The following DACH2 variants were observed in gnomAD, a reference collection of about 807,000 sequenced individuals.
DACH2 encodes dachshund homolog 2.
In DACH2, 17 loss-of-function variants were observed where a neutral mutation model predicts 35.8. The ratio of observed to expected loss-of-function variants is 0.48; its 90% confidence interval spans 0.33 to 0.71. DACH2 has a LOEUF of 0.71. Among genes scored for constraint, DACH2 ranks in the 30% least tolerant of loss-of-function variants. The pLI is 0.02. For missense variants in DACH2, 469 were observed against 472.7 expected, an observed-to-expected ratio of 0.99 and a Z score of 0.07; for synonymous variants, 195 against 177.3, an observed-to-expected ratio of 1.10 and a Z score of -0.79.
intron 4 of DACH2, among the ~76,000 whole-genome samples, chrX:86,667,525 GAAAGAAAGAAAGAAAGAAAGAAGAAAGA>G (rs1237091648): frequency 0.012 from 703 of 60,511 alleles, 9 homozygotes; most frequent in African/African-American, 0.052. Context: ...AAGAAAGAAA[GAAAGAAAGAAAGAAAGAAAGAAGAAAGA>G]AAGAAAGAAA....
At chrX:86,667,545 G>GAAAGAAAGAAGGAAGA in intron 4 of DACH2, among the ~76,000 whole-genome samples, 1 of 31,364 alleles carries the variant, frequency 3.2e-5, no homozygotes, top group East Asian at 1.1e-3. Context: ...AAGAAAGAAA[G>GAAAGAAAGAAGGAAGA]AAGAAAGAAA....
At position 86,832,143 on chromosome X, in the gene DACH2, G is replaced by T; in HGVS notation, c.1788G>T (p.Leu596Phe). 8.4e-7 allele frequency: 1 copy of T among 1,196,176 alleles called. No homozygotes were observed. The highest frequency in any genetic ancestry group is 1.7e-5 in the African/African-American group (1 of 57,216). ...NYYCLEMAQQ[L>F]YSA is the part of the protein sequence containing the mutation. ...ACTGTTTAGAAATGGCACAACAGTT[G>T]TATTCAGCCTGAAAGGTCCTCGCTG... The change falls in exon 12 of 12, where the codon TTG becomes TTT. Residue 596 changes from leucine (L) to phenylalanine (F), a missense_variant. Physicochemically the swap from Leu to Phe is conservative, Grantham distance 22. This residue lies in a region of DACH2 where 363 missense variants were observed against 334.4 expected (regional missense o/e 1.09). Transcript: ENST00000373125.
At chrX:86,788,154 T>TATC (rs1205591551) in intron 7 of DACH2, among the ~76,000 whole-genome samples, 1 of 111,089 alleles carries the variant, frequency 9.0e-6, no homozygotes, top group African/African-American at 3.3e-5. Context: ...GTTTTTTCCT[T>TATC]ATCAGTCGAG....
At chrX:86,776,042 T>C (rs1335568791) in intron 7 of DACH2, among the ~76,000 whole-genome samples, 1 of 111,594 alleles carries the variant, frequency 9.0e-6, no homozygotes, top group Non-Finnish European at 1.9e-5. Context: ...GCCTGCTTAA[T>C]AACTATAACA....
At chrX:86,458,563 T>A (rs1284538087) in intron 2 of DACH2, among the ~76,000 whole-genome samples, 2 of 111,768 alleles carry the variant, frequency 1.8e-5, no homozygotes, top group African/African-American at 6.5e-5. Flanking sequence ...CAAATAGTGA[T>A]GATGTGGTCA....
intron 5 of DACH2, among the ~76,000 whole-genome samples, chrX:86,706,727 G>C (rs771266463): frequency 8.1e-4 from 89 of 109,472 alleles, no homozygotes; most frequent in Non-Finnish European, 1.3e-3. Flanking sequence ...AGATTAAACA[G>C]TACACTTATA....
chrX:86,337,816 C>A (rs1002862913), intron 1 of DACH2, among the ~76,000 whole-genome samples: 1 of 111,100 alleles, frequency 9.0e-6, no homozygotes, highest in African/African-American at 3.3e-5. Flanking sequence ...TTCAGGAGAC[C>A]CATCTCATGT....
intron 1 of DACH2, among the ~76,000 whole-genome samples, chrX:86,340,619 G>A (rs2035396776): frequency 9.0e-6 from 1 of 111,482 alleles, no homozygotes; most frequent in Non-Finnish European, 1.9e-5. Flanking sequence ...TAAACCAAAA[G>A]CTAGAAATGA....
intron 7 of DACH2, among the ~76,000 whole-genome samples, chrX:86,741,462 C>T (rs1233972347): frequency 9.0e-6 from 1 of 111,668 alleles, no homozygotes; most frequent in Non-Finnish European, 1.9e-5. Context: ...TTCAGCATTT[C>T]TTCAAGAGAT....
At chrX:86,445,970 T>C (rs998069754) in intron 2 of DACH2, among the ~76,000 whole-genome samples, 1 of 111,723 alleles carries the variant, frequency 9.0e-6, no homozygotes, top group Non-Finnish European at 1.9e-5. Flanking sequence ...CTACTAGTAT[T>C]GTGTTGCAGT....
intron 1 of DACH2, among the ~76,000 whole-genome samples, chrX:86,343,558 T>G (rs1042797462): frequency 1.8e-5 from 2 of 111,222 alleles, no homozygotes; most frequent in African/African-American, 6.5e-5. Context: ...TGCAGTCATC[T>G]ATTGTCTAGA....
At chrX:86,570,511 T>C (rs1380707450) in intron 3 of DACH2, among the ~76,000 whole-genome samples, 3 of 111,217 alleles carry the variant, frequency 2.7e-5, no homozygotes, top group Non-Finnish European at 5.7e-5. Context: ...TACCACCTGT[T>C]CTCACTTATA....
At chrX:86,307,840 GA>G (rs2148020722) in intron 1 of DACH2, among the ~76,000 whole-genome samples, 1 of 111,833 alleles carries the variant, frequency 8.9e-6, no homozygotes, top group East Asian at 2.8e-4. Context: ...AATGGGAATG[GA>G]TACAAAGGGC....
rs1297679823 is a variant in DACH2, at chrX:86,561,934, G to A, written c.640+47543G>A. The stretch of plus-strand genomic sequence containing the variant: ...AAAAAAAAAAAAGAGAATTCAGCAA[G>A]GATTCAGGATGCCAAATCAATATAT... On this transcript the variant is annotated intron_variant, in intron 3 of 11. Coordinates refer to ENST00000373125, the MANE Select transcript of DACH2 (RefSeq NM_053281.3). 2.1e-4 allele frequency among the ~76,000 whole-genome samples: 21 copies of A among 97,808 alleles called. 1 individual carries two copies. Among genetic ancestry groups the A allele is most frequent in the Non-Finnish European group, 8.2e-5 (4 of 48,829 alleles). The allele number at this position is 97,808 out of a possible 115,157, so 84.9% of individuals were successfully genotyped here.
chrX:86,488,262 G>A (rs2038046550), intron 2 of DACH2, among the ~76,000 whole-genome samples: 1 of 111,532 alleles, frequency 9.0e-6, no homozygotes, highest in African/African-American at 3.2e-5. Flanking sequence ...GTAAATGTGG[G>A]TTGCAATCAT....
intron 1 of DACH2, among the ~76,000 whole-genome samples, chrX:86,227,245 A>G (rs764803210): frequency 1.0e-5 from 1 of 98,606 alleles, no homozygotes; most frequent in African/African-American, 3.3e-5. Flanking sequence ...ACTGTTATTC[A>G]TGTGTTTGCC....
chrX:86,494,739 A>G (rs1407108745), intron 2 of DACH2, among the ~76,000 whole-genome samples: 4 of 112,289 alleles, frequency 3.6e-5, no homozygotes, highest in Non-Finnish European at 3.8e-5. Context: ...TGGCCTTTTC[A>G]GAGACTCTTA....
intron 1 of DACH2, among the ~76,000 whole-genome samples, chrX:86,365,451 C>T (rs1343361685): frequency 3.6e-5 from 4 of 110,703 alleles, no homozygotes; most frequent in African/African-American, 1.3e-4. Flanking sequence ...AGGAAATTTC[C>T]TGTAATTTAA....
chrX:86,646,752 A>G (rs1263807692), intron 3 of DACH2, among the ~76,000 whole-genome samples: 1 of 110,232 alleles, frequency 9.1e-6, no homozygotes, highest in Non-Finnish European at 1.9e-5. Context: ...AACAAAAAAT[A>G]AACGCTAAAA....
Sources: gnomAD v4.1 joint callset for allele counts (sites outside exome capture counted in the v4.1 genomes callset) on GRCh38, gnomAD v4.1.1 for gene constraint, gnomAD v4.1.1 regional missense constraint, MANE v1.5 for transcripts, NCBI Gene and HGNC (gene_info 2026-07-23, HGNC 2026-07-21) for gene names.